Variants in OVCH1 observed in about 807,000 individuals in gnomAD.
OVCH1 encodes the protein ovochymase-1.
Under a neutral mutation model 138.4 loss-of-function variants are expected in OVCH1, and 139 were observed. That is an observed-to-expected ratio of 1.00 (90% CI 0.87 to 1.16). The LOEUF (loss-of-function observed/expected upper bound fraction) is 1.16, where lower values mean the gene tolerates loss of function less well. Among genes scored for constraint, OVCH1 ranks in the 50% most tolerant of loss-of-function variants. The probability of loss-of-function intolerance (pLI) is 0.00; values close to 1 mark genes in which losing one functional copy is unlikely to be tolerated. For synonymous variants in OVCH1, 453 were observed against 467.8 expected (o/e 0.97, Z 0.41); for missense variants, 1,367 against 1,357.9 (o/e 1.01, Z -0.11).
At chr12:29,439,452 A>G in intron 25 of OVCH1, 1 of 1,418,254 alleles carries the variant, frequency 7.1e-7, no homozygotes, top group Non-Finnish European at 9.3e-7. Context: ...GGTCTGAGAA[A>G]AACAAACAAA....
At position 29,482,786 on chromosome 12, in the gene OVCH1, G is replaced by T. The variant is rs551682776; in HGVS notation, c.995+3460C>A. 2.0e-5 allele frequency among the ~76,000 whole-genome samples: 3 copies of T among 152,294 alleles called. No individual in the cohort carries two copies. In the East Asian group the frequency reaches 5.8e-4, roughly 29 times the overall value. On this transcript the variant is annotated intron_variant, in intron 8 of 27. Coordinates refer to ENST00000318184, the Ensembl canonical transcript of OVCH1. ...TTCTCTTGAAACTTTTTCTTGCAGA[G>T]ATCTCTGAAATGCTTAACTGTCTAA...
At chr12:29,477,296 A>G (rs774080979) in intron 11 of OVCH1, 45 bp downstream of exon 11, 1 of 1,613,382 alleles carries the variant, frequency 6.2e-7, no homozygotes, top group Non-Finnish European at 8.5e-7. Flanking sequence ...TTCCCCACCC[A>G]CATCAAGGGA....
exon 21 of OVCH1, chr12:29,454,910 T>C (rs763671037): frequency 1.2e-6 from 2 of 1,612,076 alleles, no homozygotes; most frequent in South Asian, 2.2e-5. Context: ...TTGCATTTAT[T>C]ATTTGTCTGA....
chr12:29,405,021 CAAAAAAAAAAAAAAAAAAAAAAAA>C, the OVCH1 span, among the ~76,000 whole-genome samples: 1 of 80,440 alleles, frequency 1.2e-5, no homozygotes, highest in African/African-American at 7.0e-5. Context: ...CACTCCACCT[CAAAAAAAAAAAAAAAAAAAAAAAA>C]AAAAAAAAAA....
intron 9 of OVCH1, among the ~76,000 whole-genome samples, 180 bp downstream of exon 10, chr12:29,478,655 T>C (rs935162892): frequency 7.2e-5 from 11 of 151,830 alleles, no homozygotes; most frequent in Non-Finnish European, 1.5e-5. Context: ...AAAGAAATTT[T>C]ATTTTTTTAT....
chr12:29,495,976 G>A lies in OVCH1; in HGVS notation c.281+205C>T, dbSNP rs562706807. Among the ~76,000 whole-genome samples, 3 of 152,280 alleles carry A rather than the reference G, an allele frequency of 2.0e-5. No homozygotes were observed. The East Asian group carries it at 5.8e-4, about 29-fold the overall frequency. ...TCCATAAATTATAGATGATGTCTGG[G>A]ATTGTTTAATTCAGTAGAACAGGAA... On this transcript the variant is annotated intron_variant, in intron 3 of 27. Coordinates refer to ENST00000318184, the Ensembl canonical transcript of OVCH1.
At position 29,433,004 on chromosome 12, in the gene OVCH1, G is replaced by A. The variant is rs112727673; in HGVS notation, c.3327+747C>T. The stretch of plus-strand genomic sequence containing the variant: ...GAGGATAAATTCAAGAAAAACGAGA[G>A]GGCAAAAGGGGAGACAGTGAGTATA... On this transcript the variant is annotated intron_variant, in intron 27 of 27. Transcript: ENST00000318184. Among the ~76,000 whole-genome samples, 1,347 of 152,152 alleles carry A rather than the reference G, an allele frequency of 8.9e-3. 11 individuals carry two copies. Among genetic ancestry groups the A allele is most frequent in the Middle Eastern group, 0.017 (5 of 294 alleles).
Position 29,457,498 on chromosome 12 carries a change from G to A in OVCH1, c.2281-2093C>T, listed in dbSNP as rs545045807. ...GGCTCACTGCAAGCCCCGCCTCCTG[G>A]TTTCAAGCGATTTTCCTGCCTTAGC... On this transcript the variant is annotated intron_variant, in intron 19 of 27. Transcript: ENST00000318184. Among the ~76,000 whole-genome samples, 30 of 129,776 alleles carry A rather than the reference G, an allele frequency of 2.3e-4. No homozygotes were observed. In the South Asian group the frequency reaches 5.4e-3, roughly 23 times the overall value. 85.1% of individuals were successfully genotyped at this position (129,776 alleles called of 152,430 possible). A position where few individuals can be genotyped will look rare whatever the true frequency, so the allele number is the denominator to read the frequency against.
rs1409453081 is a variant in OVCH1 at position 29,465,132 on chromosome 12, A to C, written c.1929+15T>G. ...TAGATTACAGGCAGAATGACCTGTAAAAACATTTTTTCACCTGCTCTGTTG... is the reference window on the plus strand; with the variant it reads ...TAGATTACAGGCAGAATGACCTGTACAAACATTTTTTCACCTGCTCTGTTG... On this transcript the variant is annotated intron_variant, in intron 17 of 27. Transcript: ENST00000318184. 2.0e-5 allele frequency: 32 copies of C among 1,586,928 alleles called. No homozygotes were observed. The highest frequency in any genetic ancestry group is 2.7e-5 in the Non-Finnish European group (32 of 1,164,966).
chr12:29,464,859 A>G, intron 17 of OVCH1, 157 bp from the exon 18 acceptor site: 1 of 730,876 alleles, frequency 1.4e-6, no homozygotes, highest in Non-Finnish European at 2.2e-6. Context: ...ATATTGGTTT[A>G]CAATTTGCAG....
rs1369698048 is a variant in OVCH1, at chr12:29,454,936, G to GT, written c.2438-4dup. The stretch of plus-strand genomic sequence containing the variant: ...ATTTGTCTGAAGTGAAGCAGGACCT[G>GT]TATTTGGGGAGAACATGTTAAAAAT... On this transcript the variant is annotated splice_polypyrimidine_tract_variant and splice_region_variant and intron_variant, in intron 20 of 27. Transcript: ENST00000318184. 3.1e-6 allele frequency: 5 copies of GT among 1,600,628 alleles called. No homozygotes were observed. The highest frequency in any genetic ancestry group is 1.3e-5 in the African/African-American group (1 of 74,676).
intron 22 of OVCH1, among the ~76,000 whole-genome samples, chr12:29,447,362 G>T (rs144053725): frequency 1.3e-5 from 2 of 152,062 alleles, no homozygotes; most frequent in South Asian, 2.1e-4. Flanking sequence ...AAGGAAAATT[G>T]CCTATTAAAT....
Position 29,496,122 on chromosome 12 carries a change from T to C in OVCH1, c.281+59A>G, listed in dbSNP as rs1189714807. On this transcript the variant is annotated intron_variant, in intron 3 of 27. Coordinates refer to ENST00000318184, the Ensembl canonical transcript of OVCH1. ...TGAACCTGCTATTTAGAGCAACAAATCTGCCAGTCGCATAGCCAGGAATCA... is the reference window on the plus strand; with the variant it reads ...TGAACCTGCTATTTAGAGCAACAAACCTGCCAGTCGCATAGCCAGGAATCA... 3.4e-6 allele frequency: 5 copies of C among 1,449,522 alleles called. No individual in the cohort carries two copies. The South Asian group carries it at 3.7e-5, about 11-fold the overall frequency. The allele number at this position is 1,449,522 out of a possible 1,614,324, so 89.8% of individuals were successfully genotyped here.
At chr12:29,487,044 G>A in intron 7 of OVCH1, 1 of 395,188 alleles carries the variant, frequency 2.5e-6, no homozygotes, top group Non-Finnish European at 5.1e-6. Flanking sequence ...TAAAAGCCCT[G>A]TCAGGTGGCT....
chr12:29,471,160 T>G (rs1453668697), intron 16 of OVCH1, among the ~76,000 whole-genome samples: 1 of 152,176 alleles, frequency 6.6e-6, no homozygotes, highest in African/African-American at 2.4e-5. Context: ...CTAAACTGGA[T>G]GCTGGGAATA....
At chr12:29,495,406 C>T (rs1943387544) in exon 4 of OVCH1, 1 of 1,613,454 alleles carries the variant, frequency 6.2e-7, no homozygotes, top group South Asian at 1.1e-5. Context: ...GCTTATCCTT[C>T]TGAAAGAGGC....
intron 3 of OVCH1, among the ~76,000 whole-genome samples, chr12:29,419,293 A>G (rs75681804): frequency 0.035 from 5,139 of 147,670 alleles, 271 homozygotes; most frequent in African/African-American, 0.11. Flanking sequence ...ACAAAGTATG[A>G]TTTTTTTTTT....
intron 3 of OVCH1, among the ~76,000 whole-genome samples, chr12:29,419,555 A>AAGTGC: frequency 6.6e-6 from 1 of 151,958 alleles, no homozygotes; most frequent in Non-Finnish European, 1.5e-5. Flanking sequence ...TGGCCTCTCG[A>AAGTGC]AGTGCTGGGA....
intron 8 of OVCH1, among the ~76,000 whole-genome samples, chr12:29,479,816 T>C (rs920846387): frequency 3.9e-5 from 5 of 129,728 alleles, no homozygotes; most frequent in African/African-American, 1.3e-4. Flanking sequence ...TTGGCAACTC[T>C]TTTTTTTCTT....
Sources: gnomAD v4.1 joint callset for allele counts (sites outside exome capture counted in the v4.1 genomes callset) on GRCh38, gnomAD v4.1.1 for gene constraint, MANE v1.5 for transcripts, NCBI Gene and HGNC (gene_info 2026-07-23, HGNC 2026-07-21) for gene names.